Variants in P2RY8 observed in about 807,000 individuals in gnomAD.
P2RY8 encodes P2Y receptor family member 8, also known as S-geranylgeranyl-glutathione receptor P2RY8.
A neutral mutation model predicts 10.0 loss-of-function variants in P2RY8; 6 were observed. The observed-to-expected ratio is 0.60, with a 90% CI of 0.33 to 1.19. The LOEUF (loss-of-function observed/expected upper bound fraction) is 1.19. P2RY8 is among the 50% of genes most tolerant of loss of function. P2RY8 has a pLI of 0.04. For missense variants in P2RY8, 456 were observed against 542.0 expected, an observed-to-expected ratio of 0.84 and a Z score of 1.58; for synonymous variants, 276 against 252.5, an observed-to-expected ratio of 1.09 and a Z score of -0.88.
In P2RY8 at chrX:1,463,159, G is replaced by A. The variant is rs2091610288; in HGVS notation, c.*2320C>T. 1 of 233,066 alleles carries A rather than the reference G, an allele frequency of 4.3e-6. No individual in the cohort carries two copies. The highest frequency in any genetic ancestry group is 2.2e-5 in the African/African-American group (1 of 45,296). 14.4% of individuals were successfully genotyped at this position (233,066 alleles called of 1,614,324 possible). ...CGTTACTGTGAAGATGCTACTCTGAGGTTTTTCACAGTTTTTTTTCCCCCA... is the reference window on the plus strand; with the variant it reads ...CGTTACTGTGAAGATGCTACTCTGAAGTTTTTCACAGTTTTTTTTCCCCCA... On this transcript the variant is annotated 3_prime_UTR_variant, in exon 2 of 2. Coordinates refer to ENST00000381297, the MANE Select transcript of P2RY8 (RefSeq NM_178129.5).
intron 1 of P2RY8, among the ~76,000 whole-genome samples, chrX:1,500,890 C>T (rs1165966831): frequency 1.3e-5 from 2 of 152,162 alleles, no homozygotes; most frequent in African/African-American, 2.4e-5. Flanking sequence ...AGCACCCAGG[C>T]TCCGAGGTTC....
chrX:1,484,724 T>TAA (rs1171758279), intron 1 of P2RY8, among the ~76,000 whole-genome samples: 1,685 of 16,774 alleles, frequency 0.1, 228 homozygotes, highest in African/African-American at 0.21. Context: ...CAAAACCCTG[T>TAA]AAAAAAAAAA....
intron 1 of P2RY8, among the ~76,000 whole-genome samples, chrX:1,524,578 C>CATCCATCCATCCATTCATCCATCT (rs2092420688): frequency 6.9e-6 from 1 of 145,806 alleles, no homozygotes; most frequent in Non-Finnish European, 1.5e-5. Flanking sequence ...TCCATCCATC[C>CATCCATCCATCCATTCATCCATCT]ATCCATCCAT....
intron 1 of P2RY8, among the ~76,000 whole-genome samples, chrX:1,484,570 C>G (rs2091968886): frequency 6.6e-6 from 1 of 150,474 alleles, no homozygotes; most frequent in Admixed American, 6.7e-5. Flanking sequence ...ACTAAAAATA[C>G]AAAAAAAATT....
intron 1 of P2RY8, among the ~76,000 whole-genome samples, chrX:1,486,901 G>C (rs1203272043): frequency 6.6e-6 from 1 of 152,206 alleles, no homozygotes; most frequent in Non-Finnish European, 1.5e-5. Context: ...GGGTCTTCCT[G>C]TCCCTCAGAG....
intron 1 of P2RY8, among the ~76,000 whole-genome samples, chrX:1,483,263 C>A (rs1287415210): frequency 6.6e-6 from 1 of 152,214 alleles, no homozygotes. Flanking sequence ...GGAGAAGAAA[C>A]CGAGACGGTC....
chrX:1,521,639 T>C (rs1335716901), intron 1 of P2RY8, among the ~76,000 whole-genome samples: 5 of 152,300 alleles, frequency 3.3e-5, no homozygotes, highest in Admixed American at 2.6e-4. Flanking sequence ...TGCAGGAATG[T>C]GGACCGTCAG....
At chrX:1,497,177 G>A (rs1216235559) in intron 1 of P2RY8, among the ~76,000 whole-genome samples, 8 of 138,556 alleles carry the variant, frequency 5.8e-5, no homozygotes, top group Non-Finnish European at 9.1e-5. Flanking sequence ...AGCTGAGATC[G>A]CGCCACTGCA....
At chrX:1,478,249 ATGTG>A (rs745819761) in intron 1 of P2RY8, among the ~76,000 whole-genome samples, 2 of 148,330 alleles carry the variant, frequency 1.3e-5, no homozygotes, top group Non-Finnish European at 3.0e-5. Context: ...TGGCAGGCGT[ATGTG>A]TGTGTGTGTG....
intron 1 of P2RY8, among the ~76,000 whole-genome samples, chrX:1,516,083 C>G (rs760752178): frequency 2.6e-5 from 4 of 151,044 alleles, no homozygotes; most frequent in Non-Finnish European, 5.9e-5. Flanking sequence ...TGTAATCCCA[C>G]CTACTTGGGA....
chrX:1,487,007 C>T (rs1313752490), intron 1 of P2RY8, among the ~76,000 whole-genome samples: 5 of 152,238 alleles, frequency 3.3e-5, no homozygotes, highest in African/African-American at 7.2e-5. Flanking sequence ...TCACTGGGGC[C>T]GTAGCCAGCC....
intron 1 of P2RY8, among the ~76,000 whole-genome samples, chrX:1,518,876 A>C: frequency 6.6e-6 from 1 of 151,846 alleles, no homozygotes; most frequent in Non-Finnish European, 1.5e-5. Flanking sequence ...TTAAGCCCCA[A>C]TATTTTATCT....
At position 1,498,108 on chromosome X, in the gene P2RY8, C is replaced by T. The variant is rs150063699; in HGVS notation, c.-24-31526G>A. Among the ~76,000 whole-genome samples the T allele has an allele frequency of 9.6e-3, 1,463 of 152,124 alleles. 19 individuals carry two copies. The highest frequency in any genetic ancestry group is 0.033 in the African/African-American group (1,384 of 41,514). On this transcript the variant is annotated intron_variant, in intron 1 of 1. Coordinates refer to ENST00000381297, the MANE Select transcript of P2RY8 (RefSeq NM_178129.5). Reference sequence around the variant, plus strand: ...GAACTTTAAACAGCACCCACAGTGTCAGAAAACTGTTGATGAGGCCGGGCG... The same window carrying T: ...GAACTTTAAACAGCACCCACAGTGTTAGAAAACTGTTGATGAGGCCGGGCG...
intron 1 of P2RY8, among the ~76,000 whole-genome samples, chrX:1,479,633 G>C (rs2091913246): frequency 1.3e-5 from 2 of 152,110 alleles, no homozygotes; most frequent in South Asian, 2.1e-4. Flanking sequence ...TTTGAAAATA[G>C]GAAATCCATA....
chrX:1,531,808 C>T (rs1352766738), intron 1 of P2RY8, among the ~76,000 whole-genome samples: 3 of 152,170 alleles, frequency 2.0e-5, no homozygotes, highest in Non-Finnish European at 2.9e-5. Context: ...CATGAAAACA[C>T]GCTCAACATC....
chrX:1,470,447 G>A (rs1412389132), intron 1 of P2RY8, among the ~76,000 whole-genome samples: 4 of 150,500 alleles, frequency 2.7e-5, no homozygotes, highest in African/African-American at 9.8e-5. Flanking sequence ...CCTGGGTAGG[G>A]GGCAGAGGTT....
chrX:1,489,552 T>C (rs2092022027), intron 1 of P2RY8, among the ~76,000 whole-genome samples: 1 of 151,958 alleles, frequency 6.6e-6, no homozygotes, highest in Non-Finnish European at 1.5e-5. Flanking sequence ...GATTCACTTC[T>C]GCAAATGTAG....
At chrX:1,509,800 TCTA>T (rs1569538157) in intron 1 of P2RY8, among the ~76,000 whole-genome samples, 2,323 of 108,188 alleles carry the variant, frequency 0.021, 69 homozygotes, top group Admixed American at 0.039. Context: ...ATCCATCCTA[TCTA>T]TCTATCTATC....
In P2RY8 at chrX:1,466,376, G is replaced by A. The variant is rs1328508957; in HGVS notation, c.183C>T (p.Phe61=). 1.2e-6 allele frequency: 2 copies of A among 1,613,658 alleles called. No individual in the cohort carries two copies. Among genetic ancestry groups the A allele is most frequent in the African/African-American group, 1.3e-5 (1 of 74,904 alleles). ...RMGPRSPSVI[F]MINLSVTDLM... is the part of the protein sequence containing the mutation. The stretch of plus-strand genomic sequence containing the variant: ...GGTCCGTGACGCTCAGGTTGATCAT[G>A]AAGATGACCGACGGGGATCTGGGCC... Residue 61 remains phenylalanine (F), a synonymous_variant, in exon 2 of 2, where the codon TTC becomes TTT. Coordinates refer to ENST00000381297, the MANE Select transcript of P2RY8 (RefSeq NM_178129.5).
Sources: allele counts gnomAD v4.1 joint callset (sites outside exome capture counted in the v4.1 genomes callset), GRCh38; gene constraint gnomAD v4.1.1; transcripts MANE v1.5; gene names NCBI Gene and HGNC (gene_info 2026-07-23, HGNC 2026-07-21).